Variants in PLD1 observed in about 807,000 individuals in gnomAD.
PLD1 encodes the protein choline phosphatase 1.
A neutral mutation model predicts 137.1 loss-of-function variants in PLD1; 112 were observed. That is an observed-to-expected ratio of 0.82 (90% confidence interval 0.70 to 0.96). The LOEUF (loss-of-function observed/expected upper bound fraction) is 0.96, where lower values mean the gene tolerates loss of function less well. Ranked by LOEUF, PLD1 falls within the 40% of genes least tolerant of loss-of-function variation. The pLI, the probability that PLD1 is intolerant of heterozygous loss-of-function variation, is 0.00. For missense variants in PLD1, 1,321 were observed against 1,342.0 expected, an observed-to-expected ratio of 0.98 and a Z score of 0.24; for synonymous variants, 431 against 454.7, an observed-to-expected ratio of 0.95 and a Z score of 0.66.
At chr3:171,741,936 C>T (rs927321449) in intron 1 of PLD1, among the ~76,000 whole-genome samples, 2 of 152,106 alleles carry the variant, frequency 1.3e-5, no homozygotes, top group African/African-American at 4.8e-5. Context: ...GAACATTAGC[C>T]AGTATTTGCT....
chr3:171,785,558 C>A (rs369524875), intron 1 of PLD1, among the ~76,000 whole-genome samples: 10 of 152,210 alleles, frequency 6.6e-5, no homozygotes, highest in African/African-American at 2.4e-4. Flanking sequence ...CCTCCCTCAG[C>A]CTCCCGAGTA....
intron 1 of PLD1, among the ~76,000 whole-genome samples, chr3:171,748,517 A>G (rs1720425018): frequency 2.0e-5 from 3 of 152,270 alleles, no homozygotes; most frequent in South Asian, 4.1e-4. Context: ...ATGATAACCC[A>G]TGAATTTCAC....
Position 171,603,110 on chromosome 3 carries a change from C to T in PLD1, c.3193G>A (p.Glu1065Lys), listed in dbSNP as rs1731942051. ...CAAACCTCCATGGGCACTATGGCCT[C>T]TTTGGTCCCAACAGAAGGCAGTAGG... ...ESLLPSVGTKEAIVPMEVWT is the reference protein window; with the variant it reads ...ESLLPSVGTKKAIVPMEVWT Residue 1065 changes from glutamate to lysine, a missense_variant, in exon 27 of 27, where the codon GAG (glutamate) becomes AAG (lysine). By Grantham distance (56) the Glu-to-Lys change is moderately conservative (BLOSUM62 1). Coordinates refer to ENST00000351298, the MANE Select transcript of PLD1 (RefSeq NM_002662.5). The T allele has an allele frequency of 2.5e-6, 4 of 1,613,996 alleles. No individual in the cohort carries two copies. The highest frequency in any genetic ancestry group is 3.4e-6 in the Non-Finnish European group (4 of 1,179,974).
At chr3:171,693,991 A>C (rs1004508907) in intron 12 of PLD1, among the ~76,000 whole-genome samples, 2 of 152,206 alleles carry the variant, frequency 1.3e-5, no homozygotes, top group Non-Finnish European at 2.9e-5. Context: ...CACAAGATAC[A>C]AAATCTTAGA....
chr3:171,667,940 C>CA (rs1712316866), intron 19 of PLD1, among the ~76,000 whole-genome samples: 1 of 152,154 alleles, frequency 6.6e-6, no homozygotes, highest in Non-Finnish European at 1.5e-5. Flanking sequence ...TTAGTGGAGA[C>CA]AGGGTTTCAA....
chr3:171,718,979 G>A (rs1717881647), intron 8 of PLD1, among the ~76,000 whole-genome samples: 1 of 152,066 alleles, frequency 6.6e-6, no homozygotes, highest in Non-Finnish European at 1.5e-5. Context: ...TACTTGCCAT[G>A]GCATTCAAAT....
At chr3:171,662,192 T>C (rs1408285067) in intron 19 of PLD1, 22 bp from the exon 20 acceptor site, 1 of 1,373,726 alleles carries the variant, frequency 7.3e-7, no homozygotes, top group Non-Finnish European at 1.0e-6. Flanking sequence ...CAATCAGAAA[T>C]GAACAAGTAT....
intron 21 of PLD1, among the ~76,000 whole-genome samples, chr3:171,654,618 T>A (rs1737043013): frequency 6.6e-6 from 1 of 152,150 alleles, no homozygotes; most frequent in Non-Finnish European, 1.5e-5. Flanking sequence ...GATCAGTTGG[T>A]CCTATCTTTT....
At chr3:171,626,316 GAAAC>G (rs1236776495) in intron 23 of PLD1, among the ~76,000 whole-genome samples, 2 of 152,134 alleles carry the variant, frequency 1.3e-5, no homozygotes, top group East Asian at 1.9e-4. Context: ...AGAATAAAAA[GAAAC>G]AAACAAAGCC....
At chr3:171,770,833 G>A (rs1046601089) in intron 1 of PLD1, among the ~76,000 whole-genome samples, 1 of 141,816 alleles carries the variant, frequency 7.1e-6, no homozygotes, top group Non-Finnish European at 1.5e-5. Context: ...AGACTACAGT[G>A]AGCCATGATC....
rs1560243703 is a variant in PLD1, at chr3:171,714,057, T to G, written c.759-12A>C. The G allele has an allele frequency of 6.4e-7, 1 of 1,555,164 alleles. No individual in the cohort carries two copies. The highest frequency in any genetic ancestry group is 1.7e-5 in the Admixed American group (1 of 58,208). ...TCACTATTAACCATCTGTAAGAAGG[T>G]AGTAAGTATTTTTAAAAGTTGCATT... On this transcript the variant is annotated splice_polypyrimidine_tract_variant and intron_variant, in intron 8 of 26. Transcript: ENST00000351298.
chr3:171,709,706 T>C lies in PLD1; in HGVS notation c.915A>G (p.Thr305=). ...YGIRIDNLSR[T]LILKCNSYRH... The stretch of plus-strand genomic sequence containing the variant: ...TATAGCTGTTGCATTTTAAAATAAG[T>C]GTCCTTTAAAGAAAAAGCCAAATAT... The change falls in exon 10 of 27, where the codon ACA becomes ACG. Residue 305 remains threonine (T), a synonymous_variant. Coordinates refer to ENST00000351298, the MANE Select transcript of PLD1 (RefSeq NM_002662.5). The C allele has an allele frequency of 1.9e-6, 3 of 1,610,978 alleles. No homozygotes were observed. The highest frequency in any genetic ancestry group is 2.5e-6 in the Non-Finnish European group (3 of 1,179,040).
In PLD1 at chr3:171,626,837, G is replaced by C. The variant is rs1402661724; in HGVS notation, c.2594-6317C>G. Among the ~76,000 whole-genome samples, 4 of 152,162 alleles carry C rather than the reference G, an allele frequency of 2.6e-5. No individual in the cohort carries two copies. In the South Asian group the frequency reaches 8.3e-4, roughly 32 times the overall value. On this transcript the variant is annotated intron_variant, in intron 23 of 26. Coordinates refer to ENST00000351298, the MANE Select transcript of PLD1 (RefSeq NM_002662.5). ...TGTCACCTCCAGGCCTGCCCTAAAA[G>C]AGCTCCTGAAGGAAGCACTAAACAT... is the stretch of plus-strand genomic sequence containing the variant.
At chr3:171,742,642 C>T (rs1348144749) in intron 1 of PLD1, among the ~76,000 whole-genome samples, 4 of 152,012 alleles carry the variant, frequency 2.6e-5, no homozygotes, top group Non-Finnish European at 5.9e-5. Flanking sequence ...ATCTTGTTTT[C>T]CCATTTTTTC....
chr3:171,693,259 G>A (rs1217418890), intron 12 of PLD1, among the ~76,000 whole-genome samples: 3 of 152,306 alleles, frequency 2.0e-5, no homozygotes, highest in East Asian at 1.9e-4. Context: ...ACACACAAGC[G>A]TGAGATGTGC....
At chr3:171,606,772 T>C (rs923093202) in intron 25 of PLD1, among the ~76,000 whole-genome samples, 4 of 152,226 alleles carry the variant, frequency 2.6e-5, no homozygotes, top group African/African-American at 9.6e-5. Context: ...TATTTCATTA[T>C]GGACTTTTGG....
At chr3:171,660,836 G>A (rs564101213) in intron 20 of PLD1, among the ~76,000 whole-genome samples, 64 of 152,154 alleles carry the variant, frequency 4.2e-4, no homozygotes, top group Middle Eastern at 3.4e-3. Context: ...TCGAGCTGCT[G>A]ACCTCAGGTG....
chr3:171,653,187 G>C (rs757078201), intron 21 of PLD1: 4 of 152,128 alleles, frequency 2.6e-5, no homozygotes, highest in Non-Finnish European at 5.9e-5. Flanking sequence ...TTGATACAAA[G>C]ACTGAATGAG....
chr3:171,646,253 C>T (rs1006099443), intron 21 of PLD1, among the ~76,000 whole-genome samples: 3 of 152,218 alleles, frequency 2.0e-5, no homozygotes, highest in African/African-American at 7.2e-5. Flanking sequence ...ACTATATTCA[C>T]ACAAAGGTGT....
Sources: allele counts gnomAD v4.1 joint callset (sites outside exome capture counted in the v4.1 genomes callset), GRCh38; gene constraint gnomAD v4.1.1; transcripts MANE v1.5; gene names NCBI Gene and HGNC (gene_info 2026-07-23, HGNC 2026-07-21).